The following GABBR2 variants were observed in gnomAD, a reference collection of about 807,000 sequenced individuals.
GABBR2 encodes gamma-aminobutyric acid type B receptor subunit 2.
GABBR2 carries 23 observed loss-of-function variants against 105.6 expected under a neutral mutation model. The ratio of observed to expected loss-of-function variants is 0.22; its 90% CI spans 0.16 to 0.31. GABBR2 has a LOEUF of 0.31. Among genes scored for constraint, GABBR2 ranks in the 10% least tolerant of loss-of-function variants. The pLI, the probability that GABBR2 is intolerant of heterozygous loss-of-function variation, is 1.00. For synonymous variants in GABBR2, 478 were observed against 499.7 expected (o/e 0.96, Z 0.58); for missense variants, 734 against 1,245.5 (o/e 0.59, Z 6.18).
intron 2 of GABBR2, among the ~76,000 whole-genome samples, chr9:98,564,114 C>G (rs1051886039): frequency 6.6e-6 from 1 of 152,094 alleles, no homozygotes; most frequent in Non-Finnish European, 1.5e-5. Flanking sequence ...GTGTGGGGGT[C>G]ATGAATGATT....
chr9:98,322,137 G>T (rs1333098063), intron 13 of GABBR2, among the ~76,000 whole-genome samples: 1 of 152,014 alleles, frequency 6.6e-6, no homozygotes, highest in Non-Finnish European at 1.5e-5. Context: ...TCTGCTTCCA[G>T]GCCCTCTGGG....
chr9:98,663,881 A>T (rs1413414904), intron 1 of GABBR2, among the ~76,000 whole-genome samples: 1 of 152,170 alleles, frequency 6.6e-6, no homozygotes, highest in Non-Finnish European at 1.5e-5. Context: ...AGAAATACCC[A>T]GACATTTTGA....
At chr9:98,634,168 A>ACCTCC (rs1399643019) in intron 1 of GABBR2, among the ~76,000 whole-genome samples, 1 of 152,018 alleles carries the variant, frequency 6.6e-6, no homozygotes, top group Non-Finnish European at 1.5e-5. Context: ...GCATCAGCTC[A>ACCTCC]CCTCCCAACT....
intron 1 of GABBR2, among the ~76,000 whole-genome samples, chr9:98,682,289 T>A (rs1437156720): frequency 7.6e-6 from 1 of 132,152 alleles, no homozygotes; most frequent in Non-Finnish European, 1.6e-5. Flanking sequence ...TATTGAAAAA[T>A]AATGTAAAAT....
At chr9:98,447,290 C>G (rs1438175829) in intron 7 of GABBR2, among the ~76,000 whole-genome samples, 1 of 113,836 alleles carries the variant, frequency 8.8e-6, no homozygotes, top group African/African-American at 3.1e-5. Context: ...GTCTCGATCT[C>G]CTGACCTCGT....
rs539902558 is a variant in GABBR2, at chr9:98,510,103, G to A, written c.631-13589C>T. Among the ~76,000 whole-genome samples, 832 of 152,322 alleles carry A rather than the reference G, an allele frequency of 5.5e-3. 9 individuals carry two copies. The highest frequency in any genetic ancestry group is 0.019 in the African/African-American group (775 of 41,570). On this transcript the variant is annotated intron_variant, in intron 3 of 18. Transcript: ENST00000259455. ...GAAACTCTACAAGCCAGAAGAGAGT[G>A]GGGACCAATATTCAACATTCTTAAA...
rs373570972 is a variant in GABBR2, at chr9:98,335,342, T to G, written c.1894-24137A>C. Among the ~76,000 whole-genome samples, 19 of 152,328 alleles carry G rather than the reference T, an allele frequency of 1.2e-4. No homozygotes were observed. In the South Asian group the frequency reaches 3.3e-3, roughly 27 times the overall value. ...TGGCAGGGACCAACTGGACTTCAGA[T>G]TTTCTGGATTCAGCCTTTTCTTCTT... On this transcript the variant is annotated intron_variant, in intron 13 of 18. Transcript: ENST00000259455.
At chr9:98,629,473 G>T (rs1829788853) in intron 1 of GABBR2, among the ~76,000 whole-genome samples, 1 of 152,172 alleles carries the variant, frequency 6.6e-6, no homozygotes, top group South Asian at 2.1e-4. Flanking sequence ...AGTCTGAAAG[G>T]AATGGCCATC....
At chr9:98,665,739 C>T (rs1830324876) in intron 1 of GABBR2, among the ~76,000 whole-genome samples, 1 of 152,128 alleles carries the variant, frequency 6.6e-6, no homozygotes, top group Non-Finnish European at 1.5e-5. Flanking sequence ...AGTGTGGACT[C>T]CCACTCACCA....
intron 13 of GABBR2, among the ~76,000 whole-genome samples, chr9:98,335,689 C>T (rs1564021974): frequency 6.7e-6 from 1 of 149,966 alleles, no homozygotes; most frequent in Non-Finnish European, 1.5e-5. Flanking sequence ...ACAACAACAA[C>T]CAAACTTCCT....
intron 11 of GABBR2, among the ~76,000 whole-genome samples, chr9:98,372,954 T>C (rs570312714): frequency 1.9e-4 from 21 of 111,570 alleles, no homozygotes; most frequent in African/African-American, 7.1e-4. Flanking sequence ...TTCTATTTTC[T>C]TTTTCTTTTT....
At chr9:98,611,660 G>A (rs763022732) in intron 1 of GABBR2, among the ~76,000 whole-genome samples, 2 of 152,162 alleles carry the variant, frequency 1.3e-5, no homozygotes, top group Non-Finnish European at 2.9e-5. Context: ...TTAAGAAAAC[G>A]AGAAAGTGCT....
intron 1 of GABBR2, among the ~76,000 whole-genome samples, chr9:98,578,562 AAGTT>A (rs1370498692): frequency 6.6e-6 from 1 of 152,180 alleles, no homozygotes; most frequent in East Asian, 1.9e-4. Context: ...GTTCCTGGAG[AAGTT>A]AAACACAGAA....
chr9:98,304,738 C>A (rs1472157812), intron 15 of GABBR2, among the ~76,000 whole-genome samples: 1 of 152,178 alleles, frequency 6.6e-6, no homozygotes, highest in Admixed American at 6.5e-5. Flanking sequence ...GTCAGTAACC[C>A]CTCCCAGCTT....
intron 1 of GABBR2, among the ~76,000 whole-genome samples, chr9:98,691,707 C>T (rs990295345): frequency 6.6e-6 from 1 of 152,198 alleles, no homozygotes; most frequent in African/African-American, 2.4e-5. Flanking sequence ...AATGGCTCAG[C>T]ATTATCCCCT....
At chr9:98,649,901 A>G (rs1380840831) in intron 1 of GABBR2, among the ~76,000 whole-genome samples, 1 of 152,174 alleles carries the variant, frequency 6.6e-6, no homozygotes, top group East Asian at 1.9e-4. Context: ...TGACATGACC[A>G]TCTATTTTGG....
intron 1 of GABBR2, among the ~76,000 whole-genome samples, chr9:98,604,333 C>T (rs1564128194): frequency 6.6e-6 from 1 of 152,216 alleles, no homozygotes; most frequent in Non-Finnish European, 1.5e-5. Flanking sequence ...CAGGACAGGA[C>T]ATCCATGCAG....
intron 1 of GABBR2, among the ~76,000 whole-genome samples, chr9:98,706,775 C>T (rs1830900355): frequency 6.6e-6 from 1 of 152,222 alleles, no homozygotes; most frequent in African/African-American, 2.4e-5. Flanking sequence ...ACCGGCTTTG[C>T]AGTGACCCCT....
rs200521095 is a variant in GABBR2, at chr9:98,685,831, TAC to T, written c.321+22584_321+22585del. 9.2e-4 allele frequency among the ~76,000 whole-genome samples: 140 copies of T among 151,762 alleles called. 1 individual carries two copies. The highest frequency in any genetic ancestry group is 3.3e-3 in the African/African-American group (136 of 41,444). On this transcript the variant is annotated intron_variant, in intron 1 of 18. Coordinates refer to ENST00000259455, the MANE Select transcript of GABBR2 (RefSeq NM_005458.8). ...CGTCAGCCTCCCAAGTAGCTGGGACTACACACACACACACCATCATCCCCAGC... is the reference window on the plus strand; with the variant it reads ...CGTCAGCCTCCCAAGTAGCTGGGACTACACACACACACCATCATCCCCAGC...
Sources: gnomAD v4.1 joint callset for allele counts (sites outside exome capture counted in the v4.1 genomes callset) on GRCh38, gnomAD v4.1.1 for gene constraint, MANE v1.5 for transcripts, NCBI Gene and HGNC (gene_info 2026-07-23, HGNC 2026-07-21) for gene names.